Variants in CFAP20DC observed in about 807,000 individuals in gnomAD.
CFAP20DC encodes the protein CFAP20 domain containing.
A neutral mutation model predicts 101.7 loss-of-function variants in CFAP20DC; 84 were observed. The ratio of observed to expected loss-of-function variants is 0.83; its 90% CI spans 0.69 to 0.99. The LOEUF is 0.99. CFAP20DC is among the 50% of genes least tolerant of loss of function. The probability of loss-of-function intolerance (pLI) is 0.00; values close to 1 mark genes in which losing one functional copy is unlikely to be tolerated. For synonymous variants in CFAP20DC, 359 were observed against 351.2 expected, an observed-to-expected ratio of 1.02 and a Z score of -0.25; for missense variants, 1,007 against 970.3, an observed-to-expected ratio of 1.04 and a Z score of -0.50.
At position 58,870,894 on chromosome 3, in the gene CFAP20DC, CAAAAAAAAAAAAAAAAAAAAAAA is replaced by C. The variant is rs548763648; in HGVS notation, c.716-608_716-586del. On this transcript the variant is annotated intron_variant, in intron 7 of 16. Transcript: ENST00000482387. ...TGGGCGACAGAGCGAGACTCCGTCT[CAAAAAAAAAAAAAAAAAAAAAAA>C]AAAAAAAGAAAAAAGGAAAAGCTAC... is the stretch of plus-strand genomic sequence containing the variant. Among the ~76,000 whole-genome samples, 4 of 18,944 alleles carry C rather than the reference CAAAAAAAAAAAAAAAAAAAAAAA, an allele frequency of 2.1e-4. No individual in the cohort carries two copies. In the South Asian group the frequency reaches 9.8e-3, roughly 46 times the overall value. 12.4% of individuals were successfully genotyped at this position (18,944 alleles called of 152,430 possible).
In CFAP20DC at chr3:59,002,109, C is replaced by G. The variant is rs1277090088; in HGVS notation, c.278+37448G>C. ...CATGGATTGTCAGAGCCTGAAAGAA[C>G]TGAGTTGGGGATCCCAGCTCTGTTA... On this transcript the variant is annotated intron_variant, in intron 4 of 16. Transcript: ENST00000482387. The surrounding 1 kb of genome is among the most constrained non-coding windows in gnomAD (Gnocchi z 4.5). Among the ~76,000 whole-genome samples the G allele has an allele frequency of 6.6e-6, 1 of 152,200 alleles. No individual in the cohort carries two copies. Among genetic ancestry groups the G allele is most frequent in the Non-Finnish European group, 1.5e-5 (1 of 68,036 alleles).
chr3:58,932,579 C>A (rs2086870179), intron 5 of CFAP20DC, among the ~76,000 whole-genome samples: 1 of 152,152 alleles, frequency 6.6e-6, no homozygotes, highest in South Asian at 2.1e-4. Context: ...GTTCTCTCGG[C>A]AGAAACTCTA....
At chr3:58,812,721 T>TA (rs1280308181) in intron 14 of CFAP20DC, among the ~76,000 whole-genome samples, 2 of 151,050 alleles carry the variant, frequency 1.3e-5, no homozygotes, top group South Asian at 2.1e-4. Context: ...TAAAATAAAA[T>TA]AAAAAAAGAA....
intron 15 of CFAP20DC, among the ~76,000 whole-genome samples, chr3:58,783,133 ATAG>A (rs1222690081): frequency 6.6e-6 from 1 of 152,078 alleles, no homozygotes; most frequent in Non-Finnish European, 1.5e-5. Context: ...CATATATTTA[ATAG>A]TCAACTGATT....
At chr3:58,915,963 G>A (rs1241830562) in intron 5 of CFAP20DC, among the ~76,000 whole-genome samples, 1 of 151,850 alleles carries the variant, frequency 6.6e-6, no homozygotes, top group African/African-American at 2.4e-5. Flanking sequence ...ATCCTCCCTG[G>A]ATAATTATTT....
intron 15 of CFAP20DC, among the ~76,000 whole-genome samples, chr3:58,785,509 T>C (rs1050525963): frequency 1.3e-5 from 2 of 152,074 alleles, no homozygotes; most frequent in Admixed American, 6.6e-5. Context: ...TCATCACACA[T>C]TCCATACATG....
chr3:58,756,100 C>T (rs1301145023), intron 15 of CFAP20DC, among the ~76,000 whole-genome samples: 1 of 152,108 alleles, frequency 6.6e-6, no homozygotes, highest in Non-Finnish European at 1.5e-5. Context: ...TTATTATCTG[C>T]TCCTTTACTG....
intron 15 of CFAP20DC, among the ~76,000 whole-genome samples, chr3:58,775,430 C>T (rs765009265): frequency 5.9e-5 from 9 of 152,168 alleles, no homozygotes; most frequent in Middle Eastern, 3.2e-3. Context: ...TCCTTTCACA[C>T]TAGTGTGATT....
chr3:58,920,281 T>TG (rs1035084137), intron 5 of CFAP20DC, among the ~76,000 whole-genome samples: 2 of 151,762 alleles, frequency 1.3e-5, no homozygotes, highest in Admixed American at 6.6e-5. Context: ...TTTGTAGAGA[T>TG]GGGGGTCTCC....
chr3:58,797,455 G>T (rs1159067165), intron 15 of CFAP20DC, among the ~76,000 whole-genome samples: 1 of 152,138 alleles, frequency 6.6e-6, no homozygotes, highest in Non-Finnish European at 1.5e-5. Context: ...GATTGAGAGA[G>T]GTAAGGAAGC....
rs1261477036 is a variant in CFAP20DC, at chr3:58,730,644, G to A, written c.198-13016C>T. Among the ~76,000 whole-genome samples, 4 of 152,304 alleles carry A rather than the reference G, an allele frequency of 2.6e-5. 1 individual carries two copies. In the South Asian group the frequency reaches 6.2e-4, roughly 24 times the overall value. On this transcript the variant is annotated intron_variant, in intron 3 of 3. Transcript: ENST00000486145. ...CAGCAATCAGATGCATTTGCCATCC[G>A]TTGAGGTAGGGGTGACTATGGCTGG... is the stretch of plus-strand genomic sequence containing the variant.
intron 4 of CFAP20DC, among the ~76,000 whole-genome samples, chr3:59,005,368 C>A (rs778626788): frequency 1.3e-5 from 2 of 152,136 alleles, no homozygotes; most frequent in African/African-American, 2.4e-5. Flanking sequence ...AAATGAGAAA[C>A]AATACATAAT....
At chr3:58,935,859 A>C (rs2087502665) in intron 5 of CFAP20DC, among the ~76,000 whole-genome samples, 1 of 152,216 alleles carries the variant, frequency 6.6e-6, no homozygotes, top group Non-Finnish European at 1.5e-5. Context: ...GGACATAGGC[A>C]TGGGCAAGGA....
chr3:58,829,904 G>A (rs1250573384), intron 14 of CFAP20DC, among the ~76,000 whole-genome samples: 1 of 152,132 alleles, frequency 6.6e-6, no homozygotes, highest in Non-Finnish European at 1.5e-5. Context: ...GGAGGCCACT[G>A]TTCTCTTTCT....
chr3:58,730,164 T>C (rs529086720), intron 3 of CFAP20DC, among the ~76,000 whole-genome samples: 1 of 152,330 alleles, frequency 6.6e-6, no homozygotes, highest in East Asian at 1.9e-4. Flanking sequence ...TTGAGATCTG[T>C]TGCATAGCAT....
intron 3 of CFAP20DC, among the ~76,000 whole-genome samples, chr3:59,043,552 C>T (rs1025609306): frequency 6.6e-6 from 1 of 151,902 alleles, no homozygotes; most frequent in African/African-American, 2.4e-5. Flanking sequence ...ATAAAGGTGA[C>T]CTCATCCTCC....
chr3:58,868,167 A>G lies in CFAP20DC; in HGVS notation c.1016-231T>C, dbSNP rs2079851321. 6.6e-6 allele frequency among the ~76,000 whole-genome samples: 1 copy of G among 152,184 alleles called. No homozygotes were observed. Among genetic ancestry groups the G allele is most frequent in the Admixed American group, 6.5e-5 (1 of 15,280 alleles). On this transcript the variant is annotated intron_variant, in intron 9 of 16. Coordinates refer to ENST00000482387, the MANE Select transcript of CFAP20DC (RefSeq NM_001394063.1). This position sits in a 1 kb window ranked among gnomAD's most constrained non-coding sequence, Gnocchi z 4.6. ...TGAAACACTTTATTCATGTAATATA[A>G]CCTTATAGAGGGCTAAAGTAATTTG...
Position 58,796,782 on chromosome 3 carries a change from T to C in CFAP20DC, c.2237+9613A>G, listed in dbSNP as rs960896924. Among the ~76,000 whole-genome samples, 3 of 152,208 alleles carry C rather than the reference T, an allele frequency of 2.0e-5. No homozygotes were observed. The South Asian group carries it at 6.2e-4, about 32-fold the overall frequency. On this transcript the variant is annotated intron_variant, in intron 15 of 16. Coordinates refer to ENST00000482387, the MANE Select transcript of CFAP20DC (RefSeq NM_001394063.1). ...GTGTTGAGCGAGTTTATCAGTGTCATTTATCCAACAGCATGGGCTCACTTT... is the reference window on the plus strand; with the variant it reads ...GTGTTGAGCGAGTTTATCAGTGTCACTTATCCAACAGCATGGGCTCACTTT...
chr3:58,757,013 A>G (rs1242122625), intron 15 of CFAP20DC, among the ~76,000 whole-genome samples: 1 of 152,088 alleles, frequency 6.6e-6, no homozygotes, highest in Non-Finnish European at 1.5e-5. Flanking sequence ...TGAACACTTA[A>G]ATGAATAACC....
Sources: allele counts gnomAD v4.1 joint callset (sites outside exome capture counted in the v4.1 genomes callset), GRCh38; gene constraint gnomAD v4.1.1; non-coding constraint Gnocchi (gnomAD v3.1); transcripts MANE v1.5; gene names NCBI Gene and HGNC (gene_info 2026-07-23, HGNC 2026-07-21).